Variants in ZNF277 observed in about 807,000 individuals in gnomAD.
The protein encoded by ZNF277 is zinc finger protein 277.
ZNF277 carries 55 observed loss-of-function variants against 60.7 expected under a neutral mutation model. The ratio of observed to expected loss-of-function variants is 0.91; its 90% CI spans 0.73 to 1.13. ZNF277 has a LOEUF of 1.13. Among genes scored for constraint, ZNF277 ranks in the 50% most tolerant of loss-of-function variants. The pLI is 0.00. For synonymous variants in ZNF277, 178 were observed against 179.3 expected (o/e 0.99, Z 0.06); for missense variants, 510 against 523.0 (o/e 0.98, Z 0.24).
chr7:112,218,632 A>G (rs1259744205), intron 1 of ZNF277, among the ~76,000 whole-genome samples: 1 of 152,036 alleles, frequency 6.6e-6, no homozygotes, highest in Non-Finnish European at 1.5e-5. Context: ...CCCTCCCCCT[A>G]GCCCCTGGTA....
intron 1 of ZNF277, among the ~76,000 whole-genome samples, chr7:112,255,563 A>G (rs751449871): frequency 2.0e-5 from 3 of 152,226 alleles, no homozygotes; most frequent in Non-Finnish European, 2.9e-5. Context: ...TCAGAAATCA[A>G]GATAAGCAAG....
intron 1 of ZNF277, among the ~76,000 whole-genome samples, chr7:112,249,832 T>C (rs1245129138): frequency 1.3e-5 from 2 of 152,228 alleles, no homozygotes; most frequent in Non-Finnish European, 2.9e-5. Context: ...GTCTTTACTT[T>C]AATCTCTCAA....
chr7:112,284,821 G>T (rs1254212675), intron 1 of ZNF277, among the ~76,000 whole-genome samples: 1 of 152,102 alleles, frequency 6.6e-6, no homozygotes, highest in East Asian at 1.9e-4. Context: ...CTCCAGCTCA[G>T]TTAAGTGACT....
In ZNF277 at chr7:112,339,866, CAAAAT is replaced by C; in HGVS notation, c.994_998del (p.Ile332ValfsTer47). The C allele has an allele frequency of 6.2e-7, 1 of 1,611,494 alleles. No homozygotes were observed. The highest frequency in any genetic ancestry group is 1.1e-5 in the South Asian group (1 of 91,048). On this transcript the variant is annotated frameshift_variant, in exon 10 of 12. Transcript: ENST00000361822. LOFTEE classifies it high-confidence loss of function. ...AGGATGCACACGAATTTGATCTTCT[CAAAAT>C]AAAGTCAGAACTTGGTAAGTTTGAT...
At chr7:112,249,083 C>T (rs1791144007) in intron 1 of ZNF277, among the ~76,000 whole-genome samples, 1 of 152,128 alleles carries the variant, frequency 6.6e-6, no homozygotes, top group African/African-American at 2.4e-5. Flanking sequence ...TCTTTTCTCA[C>T]TCATGGGTAA....
At chr7:112,279,022 C>G (rs192388789) in intron 1 of ZNF277, among the ~76,000 whole-genome samples, 89 of 152,286 alleles carry the variant, frequency 5.8e-4, no homozygotes, top group African/African-American at 2.0e-3. Flanking sequence ...GCTTATTTCT[C>G]TTATAATATC....
At chr7:112,320,744 T>A (rs1792960585) in intron 5 of ZNF277, among the ~76,000 whole-genome samples, 1 of 152,008 alleles carries the variant, frequency 6.6e-6, no homozygotes, top group African/African-American at 2.4e-5. Flanking sequence ...CTTTTCATTG[T>A]AGTACTTAAT....
chr7:112,334,114 T>G (rs1793282145), intron 7 of ZNF277, among the ~76,000 whole-genome samples: 2 of 152,358 alleles, frequency 1.3e-5, no homozygotes, highest in South Asian at 2.1e-4. Context: ...TTTTCTCTAG[T>G]GAAGTTATTT....
At chr7:112,279,238 A>G (rs1298224013) in intron 1 of ZNF277, among the ~76,000 whole-genome samples, 3 of 152,070 alleles carry the variant, frequency 2.0e-5, no homozygotes, top group African/African-American at 7.2e-5. Flanking sequence ...GGCTCATATG[A>G]TAGTTCTATT....
At chr7:112,246,234 A>G (rs1209773134) in intron 1 of ZNF277, among the ~76,000 whole-genome samples, 4 of 152,084 alleles carry the variant, frequency 2.6e-5, no homozygotes, top group African/African-American at 9.7e-5. Flanking sequence ...AGATACAAAA[A>G]AAAATTAGCC....
intron 7 of ZNF277, among the ~76,000 whole-genome samples, chr7:112,334,402 CTT>C (rs534868007): frequency 3.1e-4 from 38 of 121,052 alleles, no homozygotes; most frequent in Non-Finnish European, 3.8e-4. Flanking sequence ...GAGTTATGTG[CTT>C]TTTTTTTTTT....
intron 2 of ZNF277, among the ~76,000 whole-genome samples, chr7:112,291,970 G>C (rs1792216307): frequency 6.6e-6 from 1 of 152,028 alleles, no homozygotes; most frequent in Admixed American, 6.6e-5. Context: ...CCAAGTTTTG[G>C]TTAGGAAGAG....
chr7:112,283,237 T>G (rs551066074), intron 1 of ZNF277, among the ~76,000 whole-genome samples: 1 of 152,210 alleles, frequency 6.6e-6, no homozygotes, highest in Admixed American at 6.5e-5. Flanking sequence ...ATATTAAAAC[T>G]TATTTTCTGG....
Position 112,274,584 on chromosome 7 carries a change from T to C in ZNF277, c.92-12289T>C, listed in dbSNP as rs572874416. Among the ~76,000 whole-genome samples the C allele has an allele frequency of 4.6e-5, 7 of 152,334 alleles. No homozygotes were observed. The East Asian group carries it at 9.6e-4, about 21-fold the overall frequency. Reference sequence around the variant, plus strand: ...CATCAAACAGTAAAATAAAAATGTGTCATAGCTACTTAATTTTGTAAATAG... The same window carrying C: ...CATCAAACAGTAAAATAAAAATGTGCCATAGCTACTTAATTTTGTAAATAG... On this transcript the variant is annotated intron_variant, in intron 1 of 11. Coordinates refer to ENST00000361822, the MANE Select transcript of ZNF277 (RefSeq NM_021994.3).
intron 1 of ZNF277, among the ~76,000 whole-genome samples, chr7:112,236,539 G>C (rs1159435825): frequency 6.6e-6 from 1 of 151,958 alleles, no homozygotes; most frequent in Non-Finnish European, 1.5e-5. Flanking sequence ...AAGTGTAGGA[G>C]AGAAAAAATG....
chr7:112,275,742 A>G (rs1201777435), intron 1 of ZNF277, among the ~76,000 whole-genome samples: 1 of 148,042 alleles, frequency 6.8e-6, no homozygotes, highest in Non-Finnish European at 1.5e-5. Flanking sequence ...TAACGTAGAC[A>G]CCACTGATTC....
At chr7:112,294,566 T>C (rs1164686953) in intron 2 of ZNF277, among the ~76,000 whole-genome samples, 2 of 152,186 alleles carry the variant, frequency 1.3e-5, no homozygotes, top group Non-Finnish European at 2.9e-5. Flanking sequence ...AAGTTAACAG[T>C]GTGGTTGTAC....
chr7:112,278,796 T>C (rs1239943573), intron 1 of ZNF277, among the ~76,000 whole-genome samples: 1 of 152,196 alleles, frequency 6.6e-6, no homozygotes. Flanking sequence ...AATTTTTTAA[T>C]GTACACTACT....
chr7:112,206,870 A>G (rs1020322373), intron 1 of ZNF277, 63 bp downstream of exon 1: 9 of 1,537,318 alleles, frequency 5.9e-6, no homozygotes, highest in Non-Finnish European at 7.1e-6. Context: ...CGGGTGTGCA[A>G]CGGACCTCTG....
Sources: allele counts gnomAD v4.1 joint callset (sites outside exome capture counted in the v4.1 genomes callset), GRCh38; gene constraint gnomAD v4.1.1; transcripts MANE v1.5; gene names NCBI Gene and HGNC (gene_info 2026-07-23, HGNC 2026-07-21).